Variants in ACVR2A observed in about 807,000 individuals in gnomAD.
The protein encoded by ACVR2A is activin A receptor type 2A.
Under a neutral mutation model 61.4 loss-of-function variants are expected in ACVR2A, and 7 were observed. The observed-to-expected ratio is 0.11, with a 90% CI of 0.06 to 0.21. The LOEUF (loss-of-function observed/expected upper bound fraction) is 0.21. Among genes scored for constraint, ACVR2A ranks in the 10% least tolerant of loss-of-function variants. ACVR2A has a pLI of 1.00. For synonymous variants in ACVR2A, 193 were observed against 208.3 expected (o/e 0.93, Z 0.63); for missense variants, 322 against 621.7 (o/e 0.52, Z 5.13).
In ACVR2A at chr2:147,929,432, T is replaced by TAGAG. The variant is rs1687599380; in HGVS notation, c.*2160_*2163dup. On this transcript the variant is annotated 3_prime_UTR_variant, in exon 11 of 11. Transcript: ENST00000241416. ...ATGAATGTTTGGCTTATGTGAGTAC[T>TAGAG]AGAGATAAAATTTTTAAACCCAGTT... The TAGAG allele has an allele frequency of 6.6e-6, 1 of 152,188 alleles. No individual in the cohort carries two copies. 9.4% of individuals were successfully genotyped at this position (152,188 alleles called of 1,614,324 possible). A position where few individuals can be genotyped will look rare whatever the true frequency, so the allele number is the denominator to read the frequency against.
intron 1 of ACVR2A, among the ~76,000 whole-genome samples, chr2:147,857,542 AAAAAAAAAAC>A (rs1174992013): frequency 6.6e-6 from 1 of 151,584 alleles, no homozygotes; most frequent in African/African-American, 2.4e-5. Flanking sequence ...TAAAAAAAAA[AAAAAAAAAAC>A]AAAAAAACCC....
At chr2:147,890,339 A>G (rs1686550692) in intron 1 of ACVR2A, among the ~76,000 whole-genome samples, 1 of 59,982 alleles carries the variant, frequency 1.7e-5, no homozygotes, top group African/African-American at 4.8e-5. Context: ...CACCATTAGT[A>G]TAGTGTGTGT....
chr2:147,851,232 G>A (rs1685439123), intron 1 of ACVR2A, among the ~76,000 whole-genome samples: 1 of 152,070 alleles, frequency 6.6e-6, no homozygotes, highest in African/African-American at 2.4e-5. Flanking sequence ...GTCATAAAAG[G>A]TCCTTCATCG....
chr2:147,894,523 G>A (rs1219932606), intron 1 of ACVR2A, among the ~76,000 whole-genome samples: 2 of 151,696 alleles, frequency 1.3e-5, no homozygotes, highest in Non-Finnish European at 2.9e-5. Context: ...CAATTCATTT[G>A]GAAAATATTG....
intron 2 of ACVR2A, among the ~76,000 whole-genome samples, chr2:147,897,755 A>T (rs1686775130): frequency 6.6e-6 from 1 of 152,162 alleles, no homozygotes; most frequent in South Asian, 2.1e-4. Flanking sequence ...AGTCATTTAG[A>T]TTTAGATATA....
chr2:147,874,257 C>T (rs1318826409), intron 1 of ACVR2A, among the ~76,000 whole-genome samples: 1 of 151,864 alleles, frequency 6.6e-6, no homozygotes, highest in Non-Finnish European at 1.5e-5. Context: ...TTATCCAGGT[C>T]TCAGTTTTTT....
chr2:147,849,511 C>T (rs1685397800), intron 1 of ACVR2A, among the ~76,000 whole-genome samples: 1 of 152,072 alleles, frequency 6.6e-6, no homozygotes, highest in Admixed American at 6.6e-5. Context: ...GTTTTGGTTA[C>T]CGTTAGACTA....
In ACVR2A at chr2:147,929,932, G is replaced by T. The variant is rs1200392499; in HGVS notation, c.*2658G>T. The T allele has an allele frequency of 6.6e-6, 1 of 152,428 alleles. No individual in the cohort carries two copies. The highest frequency in any genetic ancestry group is 1.5e-5 in the Non-Finnish European group (1 of 68,004). 9.4% of individuals were successfully genotyped at this position (152,428 alleles called of 1,614,324 possible). A position where few individuals can be genotyped will look rare whatever the true frequency, so the allele number is the denominator to read the frequency against. ...GATCTCCGCGTAAGGAATGCTTTAT[G>T]ATCAACTTGCCATAGGACTGATGGA... On this transcript the variant is annotated 3_prime_UTR_variant, in exon 11 of 11. Coordinates refer to ENST00000241416, the MANE Select transcript of ACVR2A (RefSeq NM_001616.5).
chr2:147,912,206 G>A (rs1573703480), intron 4 of ACVR2A, among the ~76,000 whole-genome samples: 2 of 151,978 alleles, frequency 1.3e-5, no homozygotes, highest in East Asian at 1.9e-4. Flanking sequence ...AGTGGTTTGG[G>A]GGCAGGAGAT....
In ACVR2A at chr2:147,891,958, TTTTTGTTTTTTTTGTTTTG is replaced by T. The variant is rs576441407; in HGVS notation, c.56-4330_56-4312del. 1.6e-4 allele frequency among the ~76,000 whole-genome samples: 23 copies of T among 147,010 alleles called. 1 individual carries two copies. The South Asian group carries it at 4.8e-3, about 31-fold the overall frequency. ...TAAGTGGTGGTAGCAGCCCTTCTTT[TTTTTGTTTTTTTTGTTTTG>T]TTTTGTTTTTTTGAGACAGAGTCTC... On this transcript the variant is annotated intron_variant, in intron 1 of 10. Transcript: ENST00000241416.
chr2:147,856,204 G>A (rs1685569184), intron 1 of ACVR2A, among the ~76,000 whole-genome samples: 1 of 152,148 alleles, frequency 6.6e-6, no homozygotes, highest in African/African-American at 2.4e-5. Flanking sequence ...GTGGTGCTTG[G>A]CACAGGGAAA....
chr2:147,924,028 G>C (rs994066356), intron 9 of ACVR2A, among the ~76,000 whole-genome samples: 3 of 152,042 alleles, frequency 2.0e-5, no homozygotes, highest in Non-Finnish European at 2.9e-5. Context: ...AGAGTGTTCA[G>C]AAATGGGCAT....
At chr2:147,889,742 G>A (rs772189805) in intron 1 of ACVR2A, among the ~76,000 whole-genome samples, 1 of 151,254 alleles carries the variant, frequency 6.6e-6, no homozygotes, top group African/African-American at 2.4e-5. Context: ...GTGAGACTCC[G>A]TCTCAAAAAA....
intron 4 of ACVR2A, among the ~76,000 whole-genome samples, chr2:147,900,766 A>G (rs184868906): frequency 6.6e-6 from 1 of 152,180 alleles, no homozygotes; most frequent in Admixed American, 6.6e-5. Flanking sequence ...TTAAGATCAC[A>G]TTACCTCAGC....
chr2:147,881,623 GTGTGTGTGTGTGTGTGTGTA>G (rs1426786547), intron 1 of ACVR2A, among the ~76,000 whole-genome samples: 75 of 116,908 alleles, frequency 6.4e-4, no homozygotes, highest in Middle Eastern at 3.8e-3. Flanking sequence ...GTGTGTGTGT[GTGTGTGTGTGTGTGTGTGTA>G]TGTGTGTGTG....
chr2:147,918,587 T>C lies in ACVR2A; in HGVS notation c.957T>C (p.Ser319=). The change falls in exon 7 of 11, where the codon TCT becomes TCC. Residue 319 remains serine, a synonymous_variant. Transcript: ENST00000241416. ...GLKDGHKPAI[S]HRDIKSKNVL... is the part of the protein sequence containing the mutation. Reference sequence around the variant, plus strand: ...AAGATGGCCACAAACCTGCCATATCTCACAGGTAGACTAAATTTATATTGT... The same window carrying C: ...AAGATGGCCACAAACCTGCCATATCCCACAGGTAGACTAAATTTATATTGT... The C allele has an allele frequency of 1.2e-6, 2 of 1,601,282 alleles. No homozygotes were observed. The highest frequency in any genetic ancestry group is 1.7e-6 in the Non-Finnish European group (2 of 1,175,604).
At chr2:147,874,673 C>A (rs1479843503) in intron 1 of ACVR2A, among the ~76,000 whole-genome samples, 1 of 151,870 alleles carries the variant, frequency 6.6e-6, no homozygotes, top group Admixed American at 6.6e-5. Context: ...CATATCACAT[C>A]CAATTGGAGA....
At chr2:147,872,051 G>C (rs757739375) in intron 1 of ACVR2A, among the ~76,000 whole-genome samples, 1 of 151,980 alleles carries the variant, frequency 6.6e-6, no homozygotes, top group Non-Finnish European at 1.5e-5. Flanking sequence ...ACCTGATCAC[G>C]TATTTTCCAT....
At chr2:147,863,725 G>C (rs1270978459) in intron 1 of ACVR2A, among the ~76,000 whole-genome samples, 1 of 152,158 alleles carries the variant, frequency 6.6e-6, no homozygotes, top group Non-Finnish European at 1.5e-5. Flanking sequence ...GCATACAGGT[G>C]GATTCACACA....
Sources: gnomAD v4.1 joint callset for allele counts (sites outside exome capture counted in the v4.1 genomes callset) on GRCh38, gnomAD v4.1.1 for gene constraint, MANE v1.5 for transcripts, NCBI Gene and HGNC (gene_info 2026-07-23, HGNC 2026-07-21) for gene names.